The following NIBAN2 variants were observed in gnomAD, a reference collection of about 807,000 sequenced individuals.
NIBAN2 encodes the protein protein Niban 2.
Under a neutral mutation model 81.8 loss-of-function variants are expected in NIBAN2, and 36 were observed. The observed-to-expected ratio is 0.44, with a 90% CI of 0.34 to 0.58. The LOEUF is 0.58. NIBAN2 is among the 20% of genes least tolerant of loss of function. The pLI, the probability that NIBAN2 is intolerant of heterozygous loss-of-function variation, is 0.02. For synonymous variants in NIBAN2, 445 were observed against 441.6 expected (o/e 1.01, Z -0.10); for missense variants, 897 against 1,014.1 (o/e 0.88, Z 1.57).
intron 1 of NIBAN2, among the ~76,000 whole-genome samples, chr9:127,553,110 C>T (rs1351640795): frequency 3.9e-5 from 6 of 152,098 alleles, no homozygotes; most frequent in Non-Finnish European, 5.9e-5. Flanking sequence ...GTAGGATTAT[C>T]GGTGATTTTC....
intron 1 of NIBAN2, among the ~76,000 whole-genome samples, chr9:127,577,064 T>A (rs1025406529): frequency 1.3e-5 from 2 of 151,796 alleles, no homozygotes; most frequent in Non-Finnish European, 2.9e-5. Flanking sequence ...CTCACGCACT[T>A]TCAGAGGCCG....
chr9:127,531,914 T>A lies in NIBAN2; in HGVS notation c.56-136A>T. ...TGTTTGCACAGGCTCCTCGCGCTCA[T>A]CTGCGCTGCATTTCTGGCCAGAGCC... On this transcript the variant is annotated intron_variant, in intron 1 of 13. Transcript: ENST00000373312. 5.0e-6 allele frequency: 6 copies of A among 1,205,564 alleles called. No individual in the cohort carries two copies. In the South Asian group the frequency reaches 9.2e-5, roughly 19 times the overall value. 74.7% of individuals were successfully genotyped at this position (1,205,564 alleles called of 1,614,324 possible).
intron 1 of NIBAN2, among the ~76,000 whole-genome samples, chr9:127,548,585 C>T (rs565835107): frequency 1.4e-4 from 21 of 152,310 alleles, no homozygotes; most frequent in East Asian, 5.8e-4. Flanking sequence ...AGGGCTTTCC[C>T]GCTGTCTTGC....
In NIBAN2 at chr9:127,508,221, G is replaced by C. The variant is rs749903844; in HGVS notation, c.1435-21C>G. 1 of 1,595,520 alleles carries C rather than the reference G, an allele frequency of 6.3e-7. No individual in the cohort carries two copies. The highest frequency in any genetic ancestry group is 1.7e-5 in the Admixed American group (1 of 59,820). On this transcript the variant is annotated intron_variant, in intron 11 of 13. Coordinates refer to ENST00000373312, the MANE Select transcript of NIBAN2 (RefSeq NM_022833.4). This position sits in a 1 kb window ranked among gnomAD's most constrained non-coding sequence, Gnocchi z 6.4. ...TATTTCTGCAGGGAACAAGGGGGTC[G>C]GGGGTCTGCAGGTCAGTGGGCTCCA...
chr9:127,526,697 A>G (rs984305863), intron 3 of NIBAN2, among the ~76,000 whole-genome samples: 1 of 152,190 alleles, frequency 6.6e-6, no homozygotes, highest in Non-Finnish European at 1.5e-5. Flanking sequence ...CTGAGGGCTC[A>G]GGGAAAAGAT....
At chr9:127,568,720 C>A (rs1178791431) in intron 1 of NIBAN2, 100 bp downstream of exon 1, 5 of 1,091,428 alleles carry the variant, frequency 4.6e-6, no homozygotes, top group Non-Finnish European at 5.7e-6. Context: ...CCTGACTCCC[C>A]CGAGCCCCCG....
intron 1 of NIBAN2, among the ~76,000 whole-genome samples, chr9:127,549,339 C>T (rs1444640991): frequency 6.6e-6 from 1 of 152,208 alleles, no homozygotes; most frequent in African/African-American, 2.4e-5. Context: ...CATGCACACT[C>T]ACACTCACAT....
chr9:127,519,567 C>T (rs1331090087), intron 5 of NIBAN2, among the ~76,000 whole-genome samples: 1 of 152,250 alleles, frequency 6.6e-6, no homozygotes, highest in Non-Finnish European at 1.5e-5. Context: ...CTGGGTCCCT[C>T]CTCTCCCCAC....
At chr9:127,527,469 C>T (rs1837096523) in intron 2 of NIBAN2, 147 bp from the exon 3 acceptor site, 2 of 733,482 alleles carry the variant, frequency 2.7e-6, no homozygotes, top group Non-Finnish European at 4.6e-6. Context: ...CCTCCCAAGG[C>T]CTCTGAGGCC....
At position 127,559,097 on chromosome 9, in the gene NIBAN2, G is replaced by A. The variant is rs991225928; in HGVS notation, c.55+9723C>T. Among the ~76,000 whole-genome samples the A allele has an allele frequency of 2.6e-5, 4 of 152,192 alleles. No individual in the cohort carries two copies. Among genetic ancestry groups the A allele is most frequent in the African/African-American group, 9.7e-5 (4 of 41,450 alleles). On this transcript the variant is annotated intron_variant, in intron 1 of 13. Coordinates refer to ENST00000373312, the MANE Select transcript of NIBAN2 (RefSeq NM_022833.4). This position sits in a 1 kb window ranked among gnomAD's most constrained non-coding sequence, Gnocchi z 4.0. Reference sequence around the variant, plus strand: ...GAGTGCTGAAACCAACATACACTCTGGGAAACAAAGATCCACGGGCTTTGT... The same window carrying A: ...GAGTGCTGAAACCAACATACACTCTAGGAAACAAAGATCCACGGGCTTTGT...
intron 1 of NIBAN2, among the ~76,000 whole-genome samples, chr9:127,576,403 C>T (rs529443746): frequency 6.6e-6 from 1 of 152,228 alleles, no homozygotes; most frequent in East Asian, 1.9e-4. Context: ...GATCCAACAG[C>T]ACTGAAGTCA....
At chr9:127,558,187 C>T (rs768562991) in intron 1 of NIBAN2, among the ~76,000 whole-genome samples, 2 of 152,146 alleles carry the variant, frequency 1.3e-5, no homozygotes, top group Non-Finnish European at 2.9e-5. Flanking sequence ...GGACACAGGC[C>T]CATCTGTGAG....
rs762901875 is a variant in NIBAN2, at chr9:127,507,900, C to T, written c.1621G>A (p.Val541Met). 2 of 1,614,198 alleles carry T rather than the reference C, an allele frequency of 1.2e-6. No homozygotes were observed. Among genetic ancestry groups the T allele is most frequent in the South Asian group, 2.2e-5 (2 of 91,086 alleles). The change falls in exon 13 of 14, where the codon GTG becomes ATG. Residue 541 changes from valine to methionine, a missense_variant. Transcript: ENST00000373312. The surrounding 1 kb of genome is among the most constrained non-coding windows in gnomAD (Gnocchi z 6.8). ...ILVENTYEEV[V>M]LQTVMKDILQ... ...ATGTCCTTCATGACGGTCTGCAGCACCACCTCCTCGTACGTGTTTTCCACC... is the reference window on the plus strand; with the variant it reads ...ATGTCCTTCATGACGGTCTGCAGCATCACCTCCTCGTACGTGTTTTCCACC...
chr9:127,573,717 G>A (rs904297436), upstream of NIBAN2, among the ~76,000 whole-genome samples: 1 of 152,116 alleles, frequency 6.6e-6, no homozygotes, highest in South Asian at 2.1e-4. Context: ...GCAGTGGCAC[G>A]ATCTCTGCTC....
At chr9:127,574,456 C>T (rs944449064) in intron 1 of NIBAN2, among the ~76,000 whole-genome samples, 1 of 152,138 alleles carries the variant, frequency 6.6e-6, no homozygotes, top group Non-Finnish European at 1.5e-5. Context: ...AGGGTTCAGA[C>T]GGTCAGAGCC....
chr9:127,552,686 T>TG (rs1250827617), intron 1 of NIBAN2, among the ~76,000 whole-genome samples: 3 of 133,010 alleles, frequency 2.3e-5, no homozygotes, highest in Admixed American at 1.5e-4. Flanking sequence ...GAATATTCGT[T>TG]TTTTTTTTTT....
chr9:127,518,846 G>T (rs1313487907), intron 5 of NIBAN2, among the ~76,000 whole-genome samples: 3 of 152,186 alleles, frequency 2.0e-5, no homozygotes, highest in African/African-American at 7.2e-5. Context: ...GCTAAGTCCA[G>T]GTCAGTACCT....
intron 1 of NIBAN2, among the ~76,000 whole-genome samples, chr9:127,557,493 C>A (rs145027137): frequency 2.1e-3 from 327 of 152,236 alleles, no homozygotes; most frequent in African/African-American, 7.3e-3. Context: ...AGGGCGGGGG[C>A]TCAGCCCCAA....
chr9:127,508,650 G>A lies in NIBAN2; in HGVS notation c.1318-112C>T. The A allele has an allele frequency of 1.1e-6, 1 of 927,902 alleles. No homozygotes were observed. Among genetic ancestry groups the A allele is most frequent in the Non-Finnish European group, 1.7e-6 (1 of 577,036 alleles). The allele number at this position is 927,902 out of a possible 1,614,324, so 57.5% of individuals were successfully genotyped here. A position where few individuals can be genotyped will look rare whatever the true frequency, so the allele number is the denominator to read the frequency against. On this transcript the variant is annotated intron_variant, in intron 10 of 13. Transcript: ENST00000373312. The surrounding 1 kb of genome is among the most constrained non-coding windows in gnomAD (Gnocchi z 6.4). ...AGCCCCCCACCCCGAGGCCTGCCAG[G>A]GAGGAATGGCAAGCGGTCTATGCCC...
Sources: allele counts gnomAD v4.1 joint callset (sites outside exome capture counted in the v4.1 genomes callset), GRCh38; gene constraint gnomAD v4.1.1; non-coding constraint Gnocchi (gnomAD v3.1); transcripts MANE v1.5; gene names NCBI Gene and HGNC (gene_info 2026-07-23, HGNC 2026-07-21).